The following HTR4 variants were observed in gnomAD, a reference collection of about 807,000 sequenced individuals.
HTR4 encodes 5-hydroxytryptamine (serotonin) receptor 4, G protein-coupled.
Under a neutral mutation model 36.8 loss-of-function variants are expected in HTR4, and 16 were observed. The ratio of observed to expected loss-of-function variants is 0.43; its 90% CI spans 0.29 to 0.66. The LOEUF (loss-of-function observed/expected upper bound fraction) is 0.66. Among genes scored for constraint, HTR4 ranks in the 30% least tolerant of loss-of-function variants. The pLI is 0.13. For missense variants in HTR4, 438 were observed against 490.9 expected (o/e 0.89, Z 1.02); for synonymous variants, 189 against 185.1 (o/e 1.02, Z -0.17).
downstream of HTR4, among the ~76,000 whole-genome samples, chr5:148,473,592 G>A (rs1755625910): frequency 6.6e-6 from 1 of 152,056 alleles, no homozygotes; most frequent in Admixed American, 6.5e-5. Flanking sequence ...TGTTTTTTGT[G>A]ACTAGATATT....
chr5:148,541,315 C>G (rs949077182), intron 4 of HTR4, among the ~76,000 whole-genome samples: 1 of 152,150 alleles, frequency 6.6e-6, no homozygotes, highest in African/African-American at 2.4e-5. Context: ...AGTCACATCT[C>G]AGCATTCAGT....
At chr5:148,621,153 G>T (rs1237214316) in intron 2 of HTR4, among the ~76,000 whole-genome samples, 1 of 152,150 alleles carries the variant, frequency 6.6e-6, no homozygotes, top group Admixed American at 6.5e-5. Context: ...ATAAGAAAAG[G>T]TTCTTTGAAA....
chr5:148,535,892 C>A lies in HTR4; in HGVS notation c.354-12546G>T, dbSNP rs567276441. Among the ~76,000 whole-genome samples, 27 of 152,096 alleles carry A rather than the reference C, an allele frequency of 1.8e-4. No homozygotes were observed. The South Asian group carries it at 5.4e-3, about 30-fold the overall frequency. On this transcript the variant is annotated intron_variant, in intron 4 of 6. Coordinates refer to ENST00000377888, the MANE Select transcript of HTR4 (RefSeq NM_000870.7). The stretch of plus-strand genomic sequence containing the variant: ...ATTCAGGAAATATAGAGAACTCCTG[C>A]AAGATTCTACACAAGAAGACCATCC...
At chr5:148,536,535 G>A (rs1261029502) in intron 4 of HTR4, among the ~76,000 whole-genome samples, 1 of 151,864 alleles carries the variant, frequency 6.6e-6, no homozygotes, top group Admixed American at 6.6e-5. Flanking sequence ...TAAAATAAAG[G>A]AATGGAGGAA....
chr5:148,516,551 C>T (rs1467163246), intron 5 of HTR4, among the ~76,000 whole-genome samples: 3 of 151,838 alleles, frequency 2.0e-5, no homozygotes, highest in Non-Finnish European at 4.4e-5. Context: ...AACTCCTGAC[C>T]TCATGATCTG....
intron 5 of HTR4, among the ~76,000 whole-genome samples, chr5:148,515,818 G>T (rs758010364): frequency 1.3e-5 from 2 of 151,756 alleles, no homozygotes; most frequent in Non-Finnish European, 2.9e-5. Context: ...ACCTGCTGGG[G>T]TTTTGTAGAG....
At position 148,481,622 on chromosome 5, in the gene HTR4, T is replaced by C; in HGVS notation, c.*1581A>G. On this transcript the variant is annotated 3_prime_UTR_variant, in exon 7 of 7. Transcript: ENST00000377888. ...CAAAGTTTCTTCCTGTCGGTTTCAG[T>C]TCCAGAACTAAAGTAAACAACAATG... is the stretch of plus-strand genomic sequence containing the variant. 6.6e-7 allele frequency: 1 copy of C among 1,508,840 alleles called. No individual in the cohort carries two copies. The allele number at this position is 1,508,840 out of a possible 1,614,324, so 93.5% of individuals were successfully genotyped here.
chr5:148,460,362 GA>G (rs1755243428), intron 5 of HTR4, among the ~76,000 whole-genome samples: 1 of 151,862 alleles, frequency 6.6e-6, no homozygotes, highest in African/African-American at 2.4e-5. Context: ...TCCAACTAAA[GA>G]AAATCAAAGA....
chr5:148,654,105 GC>G lies in HTR4; in HGVS notation c.-92del, dbSNP rs775377044. 2.2e-4 allele frequency: 221 copies of G among 985,442 alleles called. 2 individuals are homozygous for G. The East Asian group carries it at 0.015, about 66-fold the overall frequency. 61.0% of individuals were successfully genotyped at this position (985,442 alleles called of 1,614,324 possible). Reference sequence around the variant, plus strand: ...GAGCGAGGTGCCCTGGCAGATTCGAGCGGCCACCCCCAGCCGCTGAGCCGAG... The same window carrying G: ...GAGCGAGGTGCCCTGGCAGATTCGAGGGCCACCCCCAGCCGCTGAGCCGAG... On this transcript the variant is annotated 5_prime_UTR_variant, in exon 1 of 7. Coordinates refer to ENST00000377888, the MANE Select transcript of HTR4 (RefSeq NM_000870.7).
intron 1 of HTR4, among the ~76,000 whole-genome samples, chr5:148,641,088 G>A (rs751118231): frequency 5.5e-4 from 84 of 152,206 alleles, no homozygotes; most frequent in Admixed American, 1.2e-3. Context: ...ACTAATCAGA[G>A]CCATGATTAT....
intron 1 of HTR4, among the ~76,000 whole-genome samples, chr5:148,641,795 T>A (rs1241637353): frequency 6.6e-6 from 1 of 152,196 alleles, no homozygotes; most frequent in East Asian, 1.9e-4. Flanking sequence ...GTGCATCCCA[T>A]CTTTACCCTC....
chr5:148,507,909 A>ACACTTTATGG (rs1320106237), intron 6 of HTR4, among the ~76,000 whole-genome samples: 3 of 152,230 alleles, frequency 2.0e-5, no homozygotes, highest in Admixed American at 6.5e-5. Context: ...TCTTGTACAC[A>ACACTTTATGG]CACTTTATGG....
rs562871027 is a variant in HTR4, at chr5:148,543,554, C to G, written c.353+5114G>C. 3.3e-5 allele frequency among the ~76,000 whole-genome samples: 5 copies of G among 152,288 alleles called. No individual in the cohort carries two copies. The South Asian group carries it at 6.2e-4, about 19-fold the overall frequency. On this transcript the variant is annotated intron_variant, in intron 4 of 6. Transcript: ENST00000377888. ...AAACTCAAAATATATTCAAATAAGT[C>G]TGCTTATTACATATGAAATCACTGG...
intron 1 of HTR4, among the ~76,000 whole-genome samples, chr5:148,639,275 C>A (rs114517864): frequency 0.011 from 1,730 of 152,096 alleles, 37 homozygotes; most frequent in African/African-American, 0.04. Context: ...TCACACTTAG[C>A]ATACAATCCA....
chr5:148,615,823 A>G (rs1752658142), intron 2 of HTR4, among the ~76,000 whole-genome samples: 1 of 152,200 alleles, frequency 6.6e-6, no homozygotes, highest in Admixed American at 6.5e-5. Flanking sequence ...CTGATTCAGG[A>G]CTTTCACTTG....
chr5:148,485,136 T>C (rs962920133), intron 6 of HTR4, among the ~76,000 whole-genome samples: 2 of 152,224 alleles, frequency 1.3e-5, no homozygotes, highest in African/African-American at 2.4e-5. Flanking sequence ...ATCATATTTG[T>C]TATTATTGTC....
chr5:148,615,649 G>A (rs968295253), intron 2 of HTR4, among the ~76,000 whole-genome samples: 3 of 150,270 alleles, frequency 2.0e-5, no homozygotes, highest in African/African-American at 7.4e-5. Context: ...CCTGCACAAT[G>A]TGCACATGTA....
intron 6 of HTR4, among the ~76,000 whole-genome samples, chr5:148,503,726 G>A (rs1247022259): frequency 1.3e-5 from 2 of 152,272 alleles, no homozygotes; most frequent in East Asian, 3.9e-4. Flanking sequence ...AGACCCATCA[G>A]TGTGCGGTGT....
rs979794980 is a variant in HTR4, at chr5:148,482,393, G to A, written c.*810C>T. ...GACGTCCCGTTCTAGCCCAGCAGGAGAGCGAGCATCTCAGGGCAGACACGC... is the reference window on the plus strand; with the variant it reads ...GACGTCCCGTTCTAGCCCAGCAGGAAAGCGAGCATCTCAGGGCAGACACGC... On this transcript the variant is annotated 3_prime_UTR_variant, in exon 7 of 7. Coordinates refer to ENST00000377888, the MANE Select transcript of HTR4 (RefSeq NM_000870.7). 6 of 985,536 alleles carry A rather than the reference G, an allele frequency of 6.1e-6. No homozygotes were observed. The highest frequency in any genetic ancestry group is 7.2e-6 in the Non-Finnish European group (6 of 830,118). 61.0% of individuals were successfully genotyped at this position (985,536 alleles called of 1,614,324 possible). A position where few individuals can be genotyped will look rare whatever the true frequency, so the allele number is the denominator to read the frequency against.
Sources: gnomAD v4.1 joint callset for allele counts (sites outside exome capture counted in the v4.1 genomes callset) on GRCh38, gnomAD v4.1.1 for gene constraint, MANE v1.5 for transcripts, NCBI Gene and HGNC (gene_info 2026-07-23, HGNC 2026-07-21) for gene names.